Variants in HDAC9 observed in about 807,000 individuals in gnomAD.
HDAC9 encodes the protein histone deacetylase 9.
Under a neutral mutation model 139.4 loss-of-function variants are expected in HDAC9, and 41 were observed. That is an observed-to-expected ratio of 0.29 (90% CI 0.23 to 0.38). The LOEUF (loss-of-function observed/expected upper bound fraction) is 0.38, where lower values mean the gene tolerates loss of function less well. Among genes scored for constraint, HDAC9 ranks in the 10% least tolerant of loss-of-function variants. The pLI, the probability that HDAC9 is intolerant of heterozygous loss-of-function variation, is 1.00. For synonymous variants in HDAC9, 517 were observed against 476.2 expected, an observed-to-expected ratio of 1.09 and a Z score of -1.12; for missense variants, 1,147 against 1,297.0, an observed-to-expected ratio of 0.88 and a Z score of 1.78.
chr7:18,475,325 A>C (rs138863088), intron 1 of HDAC9, among the ~76,000 whole-genome samples: 136 of 152,300 alleles, frequency 8.9e-4, no homozygotes, highest in African/African-American at 3.2e-3. Flanking sequence ...AAAGTGATTA[A>C]GTTAAATTCT....
At chr7:18,991,405 C>T (rs972667875) in intron 25 of HDAC9, among the ~76,000 whole-genome samples, 8 of 152,148 alleles carry the variant, frequency 5.3e-5, no homozygotes, top group Non-Finnish European at 1.0e-4. Context: ...CTTTGGGAGG[C>T]CGAGGCGGGC....
chr7:18,190,616 T>C (rs544510124), intron 2 of HDAC9, among the ~76,000 whole-genome samples: 1 of 152,070 alleles, frequency 6.6e-6, no homozygotes, highest in Admixed American at 6.5e-5. Flanking sequence ...GACCAGAAAA[T>C]AAGTTGGAGT....
At chr7:18,297,303 C>T (rs570969386) in intron 1 of HDAC9, among the ~76,000 whole-genome samples, 9 of 152,230 alleles carry the variant, frequency 5.9e-5, no homozygotes, top group African/African-American at 1.7e-4. Flanking sequence ...TAGGCTTCCT[C>T]GGGCTGTCTT....
At chr7:18,316,364 G>A (rs1007461740) in intron 1 of HDAC9, among the ~76,000 whole-genome samples, 1 of 152,076 alleles carries the variant, frequency 6.6e-6, no homozygotes, top group Non-Finnish European at 1.5e-5. Flanking sequence ...GCTGAAATAT[G>A]TACATATAAT....
chr7:18,175,427 G>A (rs1788809090), intron 2 of HDAC9, among the ~76,000 whole-genome samples: 1 of 152,208 alleles, frequency 6.6e-6, no homozygotes, highest in South Asian at 2.1e-4. Context: ...GTGAGGTGAT[G>A]CCCTGCCCTG....
At chr7:18,288,835 T>C (rs948901056), upstream of HDAC9, among the ~76,000 whole-genome samples, 2 of 152,072 alleles carry the variant, frequency 1.3e-5, no homozygotes, top group Non-Finnish European at 2.9e-5. Flanking sequence ...TGAAATATGC[T>C]CCAGGATTTC....
At chr7:18,508,775 A>G (rs1217062316) in intron 2 of HDAC9, among the ~76,000 whole-genome samples, 4 of 152,168 alleles carry the variant, frequency 2.6e-5, no homozygotes, top group Non-Finnish European at 4.4e-5. Context: ...CATAAACACA[A>G]TATTGCACAC....
intron 12 of HDAC9, among the ~76,000 whole-genome samples, chr7:18,683,871 CAAGTTTT>C (rs1782066043): frequency 1.3e-5 from 2 of 151,962 alleles, no homozygotes; most frequent in Non-Finnish European, 2.9e-5. Flanking sequence ...TTTTAATTTT[CAAGTTTT>C]ATTTACTCTA....
intron 1 of HDAC9, among the ~76,000 whole-genome samples, chr7:18,307,741 T>C (rs1799025554): frequency 6.6e-6 from 1 of 152,152 alleles, no homozygotes; most frequent in South Asian, 2.1e-4. Context: ...AGGCAGAGGT[T>C]GCAGTGAGCC....
Position 18,644,933 on chromosome 7 carries a change from T to G in HDAC9, c.1035+140T>G, listed in dbSNP as rs545192732. On this transcript the variant is annotated intron_variant, in intron 9 of 25. Coordinates refer to ENST00000686413, the MANE Select transcript of HDAC9 (RefSeq NM_178425.4). The stretch of plus-strand genomic sequence containing the variant: ...CTCCTTCACTGTTTGCTATTTGCTG[T>G]GTTGTTCAAAGACATTCAGTCTAAT... 5.1e-6 allele frequency: 4 copies of G among 781,956 alleles called. No homozygotes were observed. In the South Asian group the frequency reaches 1.2e-4, roughly 23 times the overall value. The allele number at this position is 781,956 out of a possible 1,614,324, so 48.4% of individuals were successfully genotyped here.
At chr7:18,665,382 T>C (rs1794556815) in intron 11 of HDAC9, among the ~76,000 whole-genome samples, 1 of 152,280 alleles carries the variant, frequency 6.6e-6, no homozygotes, top group South Asian at 2.1e-4. Flanking sequence ...TCCCCATTTA[T>C]TGAGCTTTCA....
intron 2 of HDAC9, among the ~76,000 whole-genome samples, chr7:18,252,417 C>CA (rs1486672615): frequency 1.3e-5 from 2 of 151,980 alleles, no homozygotes; most frequent in Non-Finnish European, 2.9e-5. Flanking sequence ...TTTATAACTG[C>CA]AAAAGTATAG....
Position 18,563,483 on chromosome 7 carries a change from C to A in HDAC9, c.23-21798C>A, listed in dbSNP as rs542491647. ...TTTAGTTATTTCCCCATTTTCCATC[C>A]CCTAATATCTTTTACTCAGAAAATT... On this transcript the variant is annotated intron_variant, in intron 2 of 25. Coordinates refer to ENST00000686413, the MANE Select transcript of HDAC9 (RefSeq NM_178425.4). Among the ~76,000 whole-genome samples, 6 of 152,140 alleles carry A rather than the reference C, an allele frequency of 3.9e-5. No individual in the cohort carries two copies. In the East Asian group the frequency reaches 9.6e-4, roughly 24 times the overall value.
intron 21 of HDAC9, among the ~76,000 whole-genome samples, chr7:18,853,978 T>G (rs1410835098): frequency 2.6e-5 from 4 of 152,186 alleles, no homozygotes; most frequent in African/African-American, 9.6e-5. Flanking sequence ...AAAAGTGGAA[T>G]TAGCCAAGGA....
intron 16 of HDAC9, among the ~76,000 whole-genome samples, chr7:18,792,948 A>G (rs901189364): frequency 2.6e-5 from 4 of 152,146 alleles, no homozygotes; most frequent in African/African-American, 9.7e-5. Context: ...ATTTTTATGT[A>G]TAACTAAGTG....
intron 17 of HDAC9, among the ~76,000 whole-genome samples, chr7:18,798,862 G>T (rs1793038576): frequency 1.3e-5 from 2 of 152,114 alleles, no homozygotes. Context: ...TAAGAATCTA[G>T]AAAGCCACAT....
chr7:18,259,496 G>T (rs1395320670), intron 2 of HDAC9, among the ~76,000 whole-genome samples: 1 of 152,118 alleles, frequency 6.6e-6, no homozygotes, highest in Non-Finnish European at 1.5e-5. Flanking sequence ...CTGAGTAGCT[G>T]GGACTACAGG....
At chr7:18,600,797 A>G (rs1272111565) in intron 6 of HDAC9, among the ~76,000 whole-genome samples, 1 of 151,988 alleles carries the variant, frequency 6.6e-6, no homozygotes, top group Admixed American at 6.6e-5. Context: ...TTTGTCAATA[A>G]CCACCAAATA....
At chr7:18,613,362 C>T (rs1268753980) in intron 6 of HDAC9, among the ~76,000 whole-genome samples, 1 of 151,958 alleles carries the variant, frequency 6.6e-6, no homozygotes, top group African/African-American at 2.4e-5. Context: ...CAAATTTTTA[C>T]TCACACTTAA....
Sources: allele counts gnomAD v4.1 joint callset (sites outside exome capture counted in the v4.1 genomes callset), GRCh38; gene constraint gnomAD v4.1.1; transcripts MANE v1.5; gene names NCBI Gene and HGNC (gene_info 2026-07-23, HGNC 2026-07-21).